Variants in LCORL observed in about 807,000 individuals in gnomAD.
LCORL encodes ligand dependent nuclear receptor corepressor like, also known as ligand-dependent nuclear receptor corepressor-like protein.
Under a neutral mutation model 141.8 loss-of-function variants are expected in LCORL, and 41 were observed. The observed-to-expected ratio is 0.29, with a 90% CI of 0.23 to 0.38. The LOEUF (loss-of-function observed/expected upper bound fraction) is 0.38, where lower values mean the gene tolerates loss of function less well. Among genes scored for constraint, LCORL ranks in the 10% least tolerant of loss-of-function variants. The pLI, the probability that LCORL is intolerant of heterozygous loss-of-function variation, is 1.00. For synonymous variants in LCORL, 618 were observed against 694.1 expected, an observed-to-expected ratio of 0.89 and a Z score of 1.72; for missense variants, 1,759 against 2,035.0, an observed-to-expected ratio of 0.86 and a Z score of 2.61.
chr4:17,866,466 G>T (rs1725669498), intron 7 of LCORL, among the ~76,000 whole-genome samples: 1 of 152,148 alleles, frequency 6.6e-6, no homozygotes, highest in Non-Finnish European at 1.5e-5. Context: ...CTAGCACGCA[G>T]AAGACAAACA....
intron 4 of LCORL, among the ~76,000 whole-genome samples, chr4:17,958,898 A>AT (rs1333756104): frequency 6.6e-6 from 1 of 152,000 alleles, no homozygotes; most frequent in African/African-American, 2.4e-5. Context: ...ACTCTAGTTA[A>AT]TTTTAGTGTT....
chr4:17,897,197 T>A, intron 5 of LCORL, among the ~76,000 whole-genome samples: 1 of 149,368 alleles, frequency 6.7e-6, no homozygotes, highest in South Asian at 2.2e-4. Context: ...CAGACTTCTC[T>A]TTGATATACT....
chr4:17,907,265 G>T (rs1163846833), intron 5 of LCORL, among the ~76,000 whole-genome samples: 1 of 152,176 alleles, frequency 6.6e-6, no homozygotes, highest in East Asian at 1.9e-4. Flanking sequence ...GAGGAACGGG[G>T]GGTAGACAGT....
At chr4:17,925,596 G>A (rs1734991890) in intron 4 of LCORL, among the ~76,000 whole-genome samples, 1 of 152,168 alleles carries the variant, frequency 6.6e-6, no homozygotes, top group African/African-American at 2.4e-5. Flanking sequence ...TTGTGGCTGG[G>A]TGCGGTTGCT....
intron 1 of LCORL, among the ~76,000 whole-genome samples, chr4:17,991,740 G>T (rs1720045802): frequency 6.6e-6 from 1 of 152,072 alleles, no homozygotes. Context: ...TATGTCATTT[G>T]CCCCTTTCTT....
At chr4:17,940,802 T>C (rs927146910) in intron 4 of LCORL, among the ~76,000 whole-genome samples, 56 of 152,056 alleles carry the variant, frequency 3.7e-4, no homozygotes, top group Non-Finnish European at 5.6e-4. Context: ...TATGAACTTT[T>C]GGGCAAACTA....
At chr4:17,868,045 A>C (rs1725891638) in intron 7 of LCORL, among the ~76,000 whole-genome samples, 1 of 152,186 alleles carries the variant, frequency 6.6e-6, no homozygotes, top group Admixed American at 6.5e-5. Context: ...AGAATACTTT[A>C]ACAGAATCAA....
At chr4:17,984,909 T>C (rs1380703951) in intron 1 of LCORL, among the ~76,000 whole-genome samples, 4 of 152,144 alleles carry the variant, frequency 2.6e-5, no homozygotes, top group African/African-American at 9.7e-5. Context: ...CAAATTTCTC[T>C]CTTAACACTG....
At chr4:17,941,124 G>A (rs1489136623) in intron 4 of LCORL, among the ~76,000 whole-genome samples, 1 of 152,002 alleles carries the variant, frequency 6.6e-6, no homozygotes, top group Non-Finnish European at 1.5e-5. Flanking sequence ...CGCCTGTAAT[G>A]CCAGCACTTT....
intron 5 of LCORL, chr4:17,893,207 A>G (rs6839150): frequency 0.051 from 12,258 of 239,520 alleles, 641 homozygotes; most frequent in African/African-American, 0.16. Flanking sequence ...CCCTACTACC[A>G]TAACTTTCAA....
At chr4:17,992,437 C>T (rs897427427) in intron 1 of LCORL, among the ~76,000 whole-genome samples, 3 of 152,168 alleles carry the variant, frequency 2.0e-5, no homozygotes, top group Non-Finnish European at 2.9e-5. Context: ...TATATCACTG[C>T]TTGTCATAAT....
intron 5 of LCORL, among the ~76,000 whole-genome samples, chr4:17,890,445 T>C (rs747791903): frequency 6.6e-6 from 1 of 152,082 alleles, no homozygotes; most frequent in Non-Finnish European, 1.5e-5. Context: ...ACTGTATTTC[T>C]AGAAATACTT....
At chr4:17,874,261 C>A in exon 7 of LCORL, 1 of 1,233,896 alleles carries the variant, frequency 8.1e-7, no homozygotes, top group Non-Finnish European at 1.0e-6. Context: ...GAGTTAGCCA[C>A]TTTATGCAGT....
At chr4:17,935,832 G>C (rs1560368646) in intron 4 of LCORL, among the ~76,000 whole-genome samples, 1 of 152,078 alleles carries the variant, frequency 6.6e-6, no homozygotes, top group South Asian at 2.1e-4. Context: ...AATTTTTAGA[G>C]CATAATTTAA....
At position 17,962,201 on chromosome 4, in the gene LCORL, G is replaced by A. The variant is rs1354979634; in HGVS notation, c.301-169C>T. Among the ~76,000 whole-genome samples, 9 of 147,762 alleles carry A rather than the reference G, an allele frequency of 6.1e-5. No homozygotes were observed. In the South Asian group the frequency reaches 1.3e-3, roughly 21 times the overall value. On this transcript the variant is annotated intron_variant, in intron 3 of 7. Transcript: ENST00000635767. ...AAATTCAGAATGAGTCAGGAAAAAA[G>A]AAATAGCTCTGATAGAGAGTCAAAA...
intron 5 of LCORL, among the ~76,000 whole-genome samples, chr4:17,895,244 AC>A (rs1729738685): frequency 6.6e-6 from 1 of 152,076 alleles, no homozygotes; most frequent in Non-Finnish European, 1.5e-5. Flanking sequence ...CTATTGTGCA[AC>A]AAAACACAAG....
rs149086266 is a variant in LCORL, at chr4:17,860,775, G to A, written c.5602+12613C>T. On this transcript the variant is annotated intron_variant, in intron 7 of 7. Transcript: ENST00000635767. ...GATACAATGAGGGTAGAGGCATTGA[G>A]TAAATACAGCCATTCCAAATTGGAG... Among the ~76,000 whole-genome samples the A allele has an allele frequency of 1.1e-3, 171 of 152,322 alleles. 1 individual carries two copies. Among genetic ancestry groups the A allele is most frequent in the African/African-American group, 3.7e-3 (154 of 41,580 alleles).
At chr4:17,859,674 T>G (rs1009972845) in intron 7 of LCORL, among the ~76,000 whole-genome samples, 4 of 152,194 alleles carry the variant, frequency 2.6e-5, no homozygotes, top group Admixed American at 1.3e-4. Context: ...AACAATGTAC[T>G]ATGAGGTTTA....
intron 5 of LCORL, among the ~76,000 whole-genome samples, chr4:17,889,260 T>G (rs1200962394): frequency 6.6e-6 from 1 of 152,152 alleles, no homozygotes; most frequent in Admixed American, 6.6e-5. Flanking sequence ...ATTCTTTCTC[T>G]TTAGGAAGTC....
Sources: allele counts gnomAD v4.1 joint callset (sites outside exome capture counted in the v4.1 genomes callset), GRCh38; gene constraint gnomAD v4.1.1; transcripts MANE v1.5; gene names NCBI Gene and HGNC (gene_info 2026-07-23, HGNC 2026-07-21).